Variants in ARHGEF11 observed in about 807,000 individuals in gnomAD.
The protein encoded by ARHGEF11 is Rho guanine exchange factor (GEF) 11.
A neutral mutation model predicts 193.7 loss-of-function variants in ARHGEF11; 55 were observed. That is an observed-to-expected ratio of 0.28 (90% CI 0.23 to 0.36). The LOEUF (loss-of-function observed/expected upper bound fraction) is 0.36. Among genes scored for constraint, ARHGEF11 ranks in the 10% least tolerant of loss-of-function variants. The probability of loss-of-function intolerance (pLI) is 1.00; values close to 1 mark genes in which losing one functional copy is unlikely to be tolerated. For missense variants in ARHGEF11, 1,723 were observed against 2,005.6 expected (o/e 0.86, Z 2.69); for synonymous variants, 693 against 768.0 (o/e 0.90, Z 1.62).
chr1:157,037,321 T>C (rs1359097183), intron 1 of ARHGEF11, among the ~76,000 whole-genome samples: 1 of 152,178 alleles, frequency 6.6e-6, no homozygotes, highest in African/African-American at 2.4e-5. Context: ...TCTTCTGCTC[T>C]ATATATTAAT....
Position 157,029,919 on chromosome 1 carries a change from T to C in ARHGEF11, c.32+14380A>G, listed in dbSNP as rs926108220. On this transcript the variant is annotated intron_variant, in intron 1 of 40. Transcript: ENST00000368194. ...ACAAACCACATATTGTGTTATTACA[T>C]CTACATGAAATGTCCAGAATAGGCA... is the stretch of plus-strand genomic sequence containing the variant. Among the ~76,000 whole-genome samples the C allele has an allele frequency of 2.6e-5, 4 of 152,116 alleles. No homozygotes were observed. The South Asian group carries it at 6.2e-4, about 24-fold the overall frequency.
At position 156,996,617 on chromosome 1, in the gene ARHGEF11, C is replaced by T. The variant is rs1294081861; in HGVS notation, c.33-10444G>A. Among the ~76,000 whole-genome samples the T allele has an allele frequency of 1.3e-4, 20 of 151,374 alleles. 2 individuals are homozygous for T. The highest frequency in any genetic ancestry group is 1.3e-3 in the Admixed American group (20 of 15,228). On this transcript the variant is annotated intron_variant, in intron 1 of 40. Coordinates refer to ENST00000368194, the MANE Select transcript of ARHGEF11 (RefSeq NM_198236.3). ...TGAAACCCCGTCTCTACTAAAAATA[C>T]AAAAAATTAGCCGGGCGTGGTAGCG...
At chr1:157,037,334 C>T (rs1672169302) in intron 1 of ARHGEF11, among the ~76,000 whole-genome samples, 1 of 152,122 alleles carries the variant, frequency 6.6e-6, no homozygotes, top group African/African-American at 2.4e-5. Context: ...ATATTAATAT[C>T]AGAATTCTCT....
At chr1:156,936,254 T>C in intron 40 of ARHGEF11, 196 bp from the exon 41 acceptor site, 1 of 764,036 alleles carries the variant, frequency 1.3e-6, no homozygotes, top group Non-Finnish European at 2.4e-6. Context: ...AGCCCTTAGG[T>C]CAGGTAGGTA....
chr1:156,982,623 T>C (rs995835721), intron 3 of ARHGEF11, among the ~76,000 whole-genome samples: 38 of 152,284 alleles, frequency 2.5e-4, no homozygotes, highest in African/African-American at 8.9e-4. Flanking sequence ...CATCTTTTCC[T>C]TCTTTCTTCT....
chr1:157,026,104 C>T (rs1417289004), intron 1 of ARHGEF11, among the ~76,000 whole-genome samples: 1 of 152,118 alleles, frequency 6.6e-6, no homozygotes. Flanking sequence ...GTGAAGAGTC[C>T]CTGATGACGT....
At chr1:156,951,846 G>A (rs993791082) in intron 21 of ARHGEF11, 147 bp from the exon 22 acceptor site, 1 of 1,067,434 alleles carries the variant, frequency 9.4e-7, no homozygotes, top group Admixed American at 2.3e-5. Flanking sequence ...GATGTGTTCT[G>A]GTCCTGGCTC....
In ARHGEF11 at chr1:156,956,567, G is replaced by T. The variant is rs982842820; in HGVS notation, c.1527-3C>A. ...TGAGGGCGAAGTCCATGGGGGCGCT[G>T]TAAAAGAGGAACAGTGTCCTGAATC... On this transcript the variant is annotated splice_region_variant and splice_polypyrimidine_tract_variant and intron_variant, in intron 18 of 40. Coordinates refer to ENST00000368194, the MANE Select transcript of ARHGEF11 (RefSeq NM_198236.3). The T allele has an allele frequency of 1.2e-6, 2 of 1,614,090 alleles. No individual in the cohort carries two copies. Among genetic ancestry groups the T allele is most frequent in the African/African-American group, 1.3e-5 (1 of 75,040 alleles).
rs146657621 is a variant in ARHGEF11 at position 156,943,685 on chromosome 1, C to T, written c.3235+250G>A. ...CCATCCTGGGTGTGCACATCCCATC[C>T]AGCACTGTGCTTGGGGACTGCTGAC... On this transcript the variant is annotated intron_variant, in intron 32 of 40. Transcript: ENST00000368194. 2.8e-4 allele frequency among the ~76,000 whole-genome samples: 43 copies of T among 152,330 alleles called. No individual in the cohort carries two copies. The East Asian group carries it at 8.1e-3, about 29-fold the overall frequency.
At position 156,983,367 on chromosome 1, in the gene ARHGEF11, GC is replaced by G. The variant is rs531650689; in HGVS notation, c.223+971del. Among the ~76,000 whole-genome samples the G allele has an allele frequency of 4.7e-3, 723 of 152,214 alleles. 4 individuals carry two copies. The highest frequency in any genetic ancestry group is 8.0e-3 in the Non-Finnish European group (541 of 67,998). On this transcript the variant is annotated intron_variant, in intron 3 of 40. Coordinates refer to ENST00000368194, the MANE Select transcript of ARHGEF11 (RefSeq NM_198236.3). ...CTCCCGAGTAGCTGGGACTACAGGC[GC>G]CTGCCACCACGCCTGGCTAATTTCT...
intron 1 of ARHGEF11, among the ~76,000 whole-genome samples, chr1:156,987,804 C>T (rs748492264): frequency 1.3e-5 from 2 of 151,906 alleles, no homozygotes; most frequent in African/African-American, 4.8e-5. Context: ...GAGAGAGCAA[C>T]GCAGGACAGG....
intron 1 of ARHGEF11, among the ~76,000 whole-genome samples, chr1:157,030,085 T>C (rs1671113850): frequency 6.6e-6 from 1 of 152,192 alleles, no homozygotes; most frequent in South Asian, 2.1e-4. Context: ...GTTGCACAAC[T>C]CTGTGAATAT....
chr1:156,986,233 T>G (rs1421613798), intron 1 of ARHGEF11, 60 bp from the exon 2 acceptor site: 2 of 1,422,450 alleles, frequency 1.4e-6, no homozygotes, highest in African/African-American at 1.4e-5. Flanking sequence ...AGCCTTGTAG[T>G]AGATGGAGGC....
In ARHGEF11 at chr1:156,964,133, T is replaced by C. The variant is rs555985499; in HGVS notation, c.964-539A>G. Among the ~76,000 whole-genome samples the C allele has an allele frequency of 3.3e-5, 5 of 152,320 alleles. No individual in the cohort carries two copies. The East Asian group carries it at 7.7e-4, about 24-fold the overall frequency. On this transcript the variant is annotated intron_variant, in intron 11 of 40. Transcript: ENST00000368194. ...AACAAATGGAGATGCGGCTGATCTTTCTCTAACACCATTTGCATTATTTTG... is the reference window on the plus strand; with the variant it reads ...AACAAATGGAGATGCGGCTGATCTTCCTCTAACACCATTTGCATTATTTTG...
At chr1:157,035,307 G>C (rs1342205278) in intron 1 of ARHGEF11, among the ~76,000 whole-genome samples, 1 of 152,082 alleles carries the variant, frequency 6.6e-6, no homozygotes, top group Non-Finnish European at 1.5e-5. Flanking sequence ...TCTAGTGGCA[G>C]CTGAGGAGAG....
chr1:157,043,074 C>G (rs934613410), intron 1 of ARHGEF11, among the ~76,000 whole-genome samples: 1 of 152,184 alleles, frequency 6.6e-6, no homozygotes, highest in Non-Finnish European at 1.5e-5. Flanking sequence ...CTAAATGGGA[C>G]TCTGAGGCAA....
At chr1:157,037,173 C>T (rs2103063225) in intron 1 of ARHGEF11, among the ~76,000 whole-genome samples, 1 of 152,142 alleles carries the variant, frequency 6.6e-6, no homozygotes, top group African/African-American at 2.4e-5. Context: ...TCTTAAAATA[C>T]TGGTTAATTC....
chr1:156,942,338 T>C (rs898735280), intron 33 of ARHGEF11, among the ~76,000 whole-genome samples: 2 of 152,230 alleles, frequency 1.3e-5, no homozygotes, highest in Non-Finnish European at 2.9e-5. Flanking sequence ...ATGCCACCTC[T>C]GGCAGCTGCT....
intron 1 of ARHGEF11, among the ~76,000 whole-genome samples, chr1:157,039,121 A>G (rs907662237): frequency 1.3e-5 from 2 of 152,068 alleles, no homozygotes; most frequent in South Asian, 2.1e-4. Flanking sequence ...CTGTACTTCC[A>G]TCTTCTCTCC....
Sources: allele counts gnomAD v4.1 joint callset (sites outside exome capture counted in the v4.1 genomes callset), GRCh38; gene constraint gnomAD v4.1.1; transcripts MANE v1.5; gene names NCBI Gene and HGNC (gene_info 2026-07-23, HGNC 2026-07-21).